MIR2052HG: variants seen among roughly 807,000 people sequenced by gnomAD.
The protein encoded by MIR2052HG is MIR2052 host gene.
rs145528044 is a variant in MIR2052HG at position 74,651,140 on chromosome 8, T to C, written n.216+38200T>C. ...ATAAATTCTTTTTTTTTTCTCATTT[T>C]TTTTTCCTTAGCATGCTTTCAATTC... On this transcript the variant is annotated intron_variant and non_coding_transcript_variant, in intron 2 of 6. Coordinates refer to ENST00000523442, the Ensembl canonical transcript of MIR2052HG. 5.1e-4 allele frequency among the ~76,000 whole-genome samples: 78 copies of C among 152,210 alleles called. No individual in the cohort carries two copies. The East Asian group carries it at 0.014, about 27-fold the overall frequency.
At chr8:74,617,456 GGTGT>G (rs61474557) in intron 2 of MIR2052HG, among the ~76,000 whole-genome samples, 1,901 of 147,336 alleles carry the variant, frequency 0.013, 14 homozygotes, top group Middle Eastern at 0.05. Flanking sequence ...TATTCCATTG[GGTGT>G]GTGTGTGTGT....
intron 4 of MIR2052HG, among the ~76,000 whole-genome samples, chr8:74,717,928 C>T (rs1457279773): frequency 3.9e-5 from 6 of 151,916 alleles, no homozygotes; most frequent in Non-Finnish European, 7.4e-5. Flanking sequence ...ATTATTTTTA[C>T]AGTTTGATAA....
intron 4 of MIR2052HG, among the ~76,000 whole-genome samples, chr8:74,750,072 A>C (rs985047285): frequency 1.3e-5 from 2 of 152,192 alleles, no homozygotes; most frequent in Non-Finnish European, 2.9e-5. Context: ...TTGCTGAAAC[A>C]AGCTTGTCAA....
chr8:74,613,876 G>A (rs1392058308), intron 2 of MIR2052HG, among the ~76,000 whole-genome samples: 1 of 152,188 alleles, frequency 6.6e-6, no homozygotes, highest in Non-Finnish European at 1.5e-5. Flanking sequence ...CTAGTCAGAA[G>A]CTACTGGCCA....
At chr8:74,628,886 G>A (rs953300199) in intron 2 of MIR2052HG, 3 of 117,390 alleles carry the variant, frequency 2.6e-5, no homozygotes, top group Admixed American at 1.6e-4. Flanking sequence ...AAAATTGCTG[G>A]AAAAAGAAAA....
At chr8:74,679,812 G>C (rs1809100487) in intron 2 of MIR2052HG, among the ~76,000 whole-genome samples, 1 of 152,118 alleles carries the variant, frequency 6.6e-6, no homozygotes, top group South Asian at 2.1e-4. Context: ...AAAGTGCTAG[G>C]ATTACAGGCA....
chr8:74,676,660 TTAGA>T (rs1347082011), intron 2 of MIR2052HG, among the ~76,000 whole-genome samples: 1 of 151,892 alleles, frequency 6.6e-6, no homozygotes, highest in African/African-American at 2.4e-5. Context: ...ACAGAGTTTA[TTAGA>T]TAGGTTTAAA....
rs183864155 is a variant in MIR2052HG, at chr8:74,641,693, T to C, written n.216+28753T>C. On this transcript the variant is annotated intron_variant and non_coding_transcript_variant, in intron 2 of 6. Coordinates refer to ENST00000523442, the Ensembl canonical transcript of MIR2052HG. ...GTAAGCAAAAGACAAGCTGATGTAA[T>C]ACATTTGTGTTTGAATAATTCCGCA... Among the ~76,000 whole-genome samples, 268 of 152,238 alleles carry C rather than the reference T, an allele frequency of 1.8e-3. 1 individual carries two copies. Among genetic ancestry groups the C allele is most frequent in the African/African-American group, 6.2e-3 (256 of 41,544 alleles).
intron 4 of MIR2052HG, among the ~76,000 whole-genome samples, chr8:74,710,967 G>A (rs269193): frequency 0.64 from 98,051 of 152,036 alleles, 33,100 homozygotes; most frequent in African/African-American, 0.85. Flanking sequence ...AACCTGCTCC[G>A]TACCTCTATG....
chr8:74,649,857 A>G (rs908748150), intron 2 of MIR2052HG, among the ~76,000 whole-genome samples: 6 of 151,724 alleles, frequency 4.0e-5, no homozygotes, highest in African/African-American at 1.5e-4. Context: ...TTTTCAAAGA[A>G]CTCTACATCT....
chr8:74,637,364 A>G (rs1426545343), intron 2 of MIR2052HG, among the ~76,000 whole-genome samples: 1 of 152,108 alleles, frequency 6.6e-6, no homozygotes, highest in Non-Finnish European at 1.5e-5. Flanking sequence ...AAACACATTC[A>G]GGAATTTTGT....
intron 2 of MIR2052HG, among the ~76,000 whole-genome samples, chr8:74,663,954 TG>T (rs1808893021): frequency 6.6e-6 from 1 of 152,038 alleles, no homozygotes; most frequent in Admixed American, 6.6e-5. Context: ...CTAACTTTAT[TG>T]GTGATGAGAA....
intron 2 of MIR2052HG, among the ~76,000 whole-genome samples, chr8:74,675,632 C>A (rs1471744745): frequency 6.6e-6 from 1 of 151,786 alleles, no homozygotes. Context: ...TGTAATTACT[C>A]CAAGTGGGGT....
At chr8:74,673,041 A>G (rs1401388181) in intron 2 of MIR2052HG, among the ~76,000 whole-genome samples, 1 of 152,088 alleles carries the variant, frequency 6.6e-6, no homozygotes, top group Non-Finnish European at 1.5e-5. Flanking sequence ...TCTACTGGTG[A>G]CACTGCTTAA....
chr8:74,692,729 G>A (rs925570821), intron 2 of MIR2052HG, among the ~76,000 whole-genome samples: 5 of 152,050 alleles, frequency 3.3e-5, no homozygotes, highest in African/African-American at 7.2e-5. Context: ...GTTTTATAAC[G>A]CTTGCCTAAG....
intron 2 of MIR2052HG, among the ~76,000 whole-genome samples, chr8:74,656,817 A>C (rs1330133235): frequency 1.3e-5 from 2 of 152,206 alleles, no homozygotes; most frequent in African/African-American, 4.8e-5. Context: ...AGATACATTT[A>C]CCCAAGTCAA....
chr8:74,617,177 T>C (rs1200145140), intron 2 of MIR2052HG, among the ~76,000 whole-genome samples: 1 of 152,200 alleles, frequency 6.6e-6, no homozygotes, highest in Non-Finnish European at 1.5e-5. Context: ...GAGATTTTAG[T>C]GTACCCATCA....
chr8:74,670,706 G>C (rs1808982505), intron 2 of MIR2052HG, among the ~76,000 whole-genome samples: 1 of 152,068 alleles, frequency 6.6e-6, no homozygotes, highest in African/African-American at 2.4e-5. Context: ...GTTGGTATAT[G>C]GTTATCAGAC....
intron 2 of MIR2052HG, among the ~76,000 whole-genome samples, chr8:74,692,306 G>T (rs1236902477): frequency 6.6e-6 from 1 of 152,126 alleles, no homozygotes; most frequent in Non-Finnish European, 1.5e-5. Context: ...TGCCTAGGCT[G>T]GTCTCAAATT....
Sources: gnomAD v4.1 joint callset for allele counts (sites outside exome capture counted in the v4.1 genomes callset) on GRCh38, gnomAD v4.1.1 for gene constraint, MANE v1.5 for transcripts, NCBI Gene and HGNC (gene_info 2026-07-23, HGNC 2026-07-21) for gene names.